Variants in COPS7B observed in about 807,000 individuals in gnomAD.
The protein encoded by COPS7B is COP9 signalosome subunit 7B.
Under a neutral mutation model 33.4 loss-of-function variants are expected in COPS7B, and 9 were observed. The observed-to-expected ratio is 0.27, with a 90% CI of 0.16 to 0.47. The LOEUF (loss-of-function observed/expected upper bound fraction) is 0.47, where lower values mean the gene tolerates loss of function less well. Ranked by LOEUF, COPS7B falls within the 20% of genes least tolerant of loss-of-function variation. The pLI is 0.99. For missense variants in COPS7B, 242 were observed against 318.2 expected (o/e 0.76, Z 1.82); for synonymous variants, 119 against 126.3 (o/e 0.94, Z 0.39).
chr2:231,801,000 A>T (rs531268118), intron 6 of COPS7B: 4 of 732,058 alleles, frequency 5.5e-6, no homozygotes, highest in Non-Finnish European at 9.2e-6. Context: ...CTGACTTGAA[A>T]GGAAAAGAAA....
At chr2:231,785,852 T>G (rs1404290107), upstream of COPS7B, among the ~76,000 whole-genome samples, 3 of 152,222 alleles carry the variant, frequency 2.0e-5, no homozygotes, top group African/African-American at 4.8e-5. Flanking sequence ...GAACCATTGT[T>G]GGCTTAACCC....
intron 4 of COPS7B, among the ~76,000 whole-genome samples, chr2:231,794,980 C>T (rs998974351): frequency 2.7e-5 from 4 of 148,850 alleles, no homozygotes; most frequent in South Asian, 4.3e-4. Context: ...AGTGCAGTGG[C>T]GCAACCTGGG....
chr2:231,790,029 C>G (rs953251558), intron 2 of COPS7B: 2 of 152,150 alleles, frequency 1.3e-5, no homozygotes, highest in Non-Finnish European at 2.9e-5. Context: ...ACCATTGTTT[C>G]TTTAGAGCTG....
upstream of COPS7B, chr2:231,786,415 G>C (rs1335435016): frequency 2.0e-6 from 2 of 984,770 alleles, no homozygotes; most frequent in Non-Finnish European, 2.4e-6. Flanking sequence ...AGCTGCACGG[G>C]CGACGGGTCG....
At chr2:231,784,045 AAAG>A (rs2049183931), upstream of COPS7B, among the ~76,000 whole-genome samples, 1 of 151,920 alleles carries the variant, frequency 6.6e-6, no homozygotes, top group Non-Finnish European at 1.5e-5. Context: ...GCATTCCAAA[AAAG>A]AGCAAGCTTG....
In COPS7B at chr2:231,808,656, G is replaced by A. The variant is rs952255135; in HGVS notation, c.*1011G>A. 10 of 353,030 alleles carry A rather than the reference G, an allele frequency of 2.8e-5. No individual in the cohort carries two copies. Among genetic ancestry groups the A allele is most frequent in the African/African-American group, 2.3e-4 (10 of 44,330 alleles). 21.9% of individuals were successfully genotyped at this position (353,030 alleles called of 1,614,324 possible). A position where few individuals can be genotyped will look rare whatever the true frequency, so the allele number is the denominator to read the frequency against. On this transcript the variant is annotated 3_prime_UTR_variant, in exon 7 of 7. Coordinates refer to ENST00000350033, the MANE Select transcript of COPS7B (RefSeq NM_022730.4). ...AGACTTCTGAACTTGAACAGTTTCA[G>A]GTTATATTTTAATTTTTTTTTTTTT...
upstream of COPS7B, among the ~76,000 whole-genome samples, chr2:231,783,112 C>T (rs1336870351): frequency 6.9e-6 from 1 of 145,318 alleles, no homozygotes; most frequent in Non-Finnish European, 1.6e-5. Context: ...GAAATTCATC[C>T]ATGTTGTGTG....
At position 231,793,534 on chromosome 2, in the gene COPS7B, T is replaced by C. The variant is rs142327125; in HGVS notation, c.239-729T>C. 113 of 152,428 alleles carry C rather than the reference T, an allele frequency of 7.4e-4. 5 individuals carry two copies. Among genetic ancestry groups the C allele is most frequent in the African/African-American group, 2.6e-3 (107 of 41,598 alleles). The allele number at this position is 152,428 out of a possible 1,614,324, so 9.4% of individuals were successfully genotyped here. A position where few individuals can be genotyped will look rare whatever the true frequency, so the allele number is the denominator to read the frequency against. On this transcript the variant is annotated intron_variant, in intron 3 of 6. Transcript: ENST00000350033. ...TATTTATGTTAGCTGCTGCAGCTGC[T>C]GCCCTTGCTGTTATTATCATTTATG...
chr2:231,786,548 AGC>A lies in COPS7B; in HGVS notation c.-17+12_-17+13del. ...GAGGTGGCGTGGACAGGTAGGAGCTAGCGAGAGGGTGGGCCGAGCGGGGCCGG... is the reference window on the plus strand; with the variant it reads ...GAGGTGGCGTGGACAGGTAGGAGCTAGAGAGGGTGGGCCGAGCGGGGCCGG... On this transcript the variant is annotated intron_variant, in intron 1 of 6. Transcript: ENST00000350033. The A allele has an allele frequency of 1.0e-6, 1 of 981,724 alleles. No homozygotes were observed. The highest frequency in any genetic ancestry group is 1.2e-6 in the Non-Finnish European group (1 of 826,442). 60.8% of individuals were successfully genotyped at this position (981,724 alleles called of 1,614,324 possible).
intron 6 of COPS7B, chr2:231,801,338 G>GGACCAT: frequency 6.8e-7 from 1 of 1,472,036 alleles, no homozygotes; most frequent in Non-Finnish European, 9.0e-7. Context: ...CATACCTGGG[G>GGACCAT]GACCATTATG....
chr2:231,804,623 T>C (rs1181766913), intron 6 of COPS7B, among the ~76,000 whole-genome samples: 2 of 152,220 alleles, frequency 1.3e-5, no homozygotes, highest in Non-Finnish European at 2.9e-5. Flanking sequence ...TCAGACAAGA[T>C]GAAATTAGGA....
At chr2:231,787,402 C>T (rs1447490713) in intron 1 of COPS7B, among the ~76,000 whole-genome samples, 2 of 152,188 alleles carry the variant, frequency 1.3e-5, no homozygotes, top group East Asian at 1.9e-4. Context: ...CATTTTGTCA[C>T]GCTGCTCTAA....
chr2:231,800,645 A>G (rs949592821), intron 6 of COPS7B, among the ~76,000 whole-genome samples: 1 of 152,234 alleles, frequency 6.6e-6, no homozygotes, highest in Non-Finnish European at 1.5e-5. Context: ...GTGTAGTTAC[A>G]CAACAGTGTA....
chr2:231,786,444 C>T (rs1441800816), upstream of COPS7B: 54 of 985,820 alleles, frequency 5.5e-5, no homozygotes, highest in Non-Finnish European at 6.3e-5. Flanking sequence ...AGAAAAGCGC[C>T]GGACGCCGGG....
upstream of COPS7B, among the ~76,000 whole-genome samples, chr2:231,783,527 T>G (rs1327541827): frequency 1.3e-5 from 2 of 152,242 alleles, no homozygotes. Flanking sequence ...GTTGAGCACC[T>G]TTCAATGTGC....
At chr2:231,805,426 TATA>T (rs1490520457) in intron 6 of COPS7B, among the ~76,000 whole-genome samples, 31 of 129,570 alleles carry the variant, frequency 2.4e-4, no homozygotes, top group South Asian at 9.3e-4. Context: ...TATATATATA[TATA>T]TATTTTTTTT....
In COPS7B at chr2:231,807,535, C is replaced by A; in HGVS notation, c.685C>A (p.Gln229Lys). 6.2e-7 allele frequency: 1 copy of A among 1,613,692 alleles called. No individual in the cohort carries two copies. Among genetic ancestry groups the A allele is most frequent in the Non-Finnish European group, 8.5e-7 (1 of 1,179,864 alleles). ...CAAAGCCACCGCATCCTCCTCGGCT[C>A]AGGAGATGGAGCAGCAGCTGGCTGA... The part of the protein sequence containing the change: ...TLKATASSSA[Q>K]EMEQQLAERE... The change falls in exon 7 of 7, where the codon CAG becomes AAG. Residue 229 changes from glutamine (Q) to lysine (K), a missense_variant. Physicochemically the swap from Gln to Lys is moderately conservative, Grantham distance 53. Transcript: ENST00000350033.
At chr2:231,785,598 T>A (rs2049221255), upstream of COPS7B, among the ~76,000 whole-genome samples, 1 of 152,248 alleles carries the variant, frequency 6.6e-6, no homozygotes, top group Non-Finnish European at 1.5e-5. Context: ...GCTAAAGAAA[T>A]GTTTTTGAAT....
At chr2:231,787,745 T>C (rs929065045) in intron 1 of COPS7B, among the ~76,000 whole-genome samples, 1 of 152,236 alleles carries the variant, frequency 6.6e-6, no homozygotes, top group Non-Finnish European at 1.5e-5. Flanking sequence ...TTACTTGACT[T>C]GATTAAATGA....
Sources: allele counts gnomAD v4.1 joint callset (sites outside exome capture counted in the v4.1 genomes callset), GRCh38; gene constraint gnomAD v4.1.1; transcripts MANE v1.5; gene names NCBI Gene and HGNC (gene_info 2026-07-23, HGNC 2026-07-21).